Variants in ABCC8 observed in about 807,000 individuals in gnomAD.
The protein encoded by ABCC8 is ATP binding cassette subfamily C member 8.
A neutral mutation model predicts 188.0 loss-of-function variants in ABCC8; 137 were observed. The ratio of observed to expected loss-of-function variants is 0.73; its 90% CI spans 0.63 to 0.84. The LOEUF is 0.84. Among genes scored for constraint, ABCC8 ranks in the 40% least tolerant of loss-of-function variants. ABCC8 has a pLI of 0.00. For synonymous variants in ABCC8, 797 were observed against 846.5 expected (o/e 0.94, Z 1.01); for missense variants, 1,750 against 2,072.7 (o/e 0.84, Z 3.02).
intron 7 of ABCC8, among the ~76,000 whole-genome samples, chr11:17,451,955 C>T (rs945670048): frequency 2.0e-5 from 3 of 152,216 alleles, no homozygotes; most frequent in Non-Finnish European, 4.4e-5. Flanking sequence ...TTTCAATACC[C>T]ACCATGGCTA....
intron 8 of ABCC8, among the ~76,000 whole-genome samples, chr11:17,446,220 C>A (rs544627615): frequency 4.2e-4 from 64 of 152,248 alleles, no homozygotes; most frequent in African/African-American, 1.5e-3. Context: ...TCAGCCTCAG[C>A]CTCCCAAAGT....
At chr11:17,460,845 T>G (rs1957164378) in intron 5 of ABCC8, 169 bp from the exon 6 acceptor site, 3 of 1,396,236 alleles carry the variant, frequency 2.1e-6, no homozygotes, top group African/African-American at 1.4e-5. Flanking sequence ...AGTGCACAGT[T>G]GGGAGGGCCC....
At chr11:17,441,055 C>A (rs897327263) in intron 10 of ABCC8, among the ~76,000 whole-genome samples, 16 of 152,214 alleles carry the variant, frequency 1.1e-4, no homozygotes, top group African/African-American at 3.6e-4. Context: ...TTCCCTCCCC[C>A]ACCAGGTGTG....
intron 11 of ABCC8, 60 bp downstream of exon 11, chr11:17,432,144 C>T: frequency 1.3e-6 from 2 of 1,548,522 alleles, no homozygotes; most frequent in Non-Finnish European, 1.7e-6. Context: ...GGCAGCCTGT[C>T]ACTGCAGACG....
In ABCC8 at chr11:17,395,887, GAGA is replaced by G. The variant is rs151344624; in HGVS notation, c.4160_4162del (p.Phe1387del). Reference sequence around the variant, plus strand: ...GTCCACCATGCGGAAGAAGGCAAGAGAGAAGGAGGACTTCCCACTGCCGGTGCG... The same window carrying G: ...GTCCACCATGCGGAAGAAGGCAAGAGAGGAGGACTTCCCACTGCCGGTGCG... On this transcript the variant is annotated inframe_deletion, in exon 34 of 39. Coordinates refer to ENST00000389817, the MANE Select transcript of ABCC8 (RefSeq NM_000352.6). The G allele has an allele frequency of 1.1e-5, 17 of 1,592,160 alleles. No individual in the cohort carries two copies. Among genetic ancestry groups the G allele is most frequent in the African/African-American group, 1.3e-5 (1 of 74,760 alleles).
Position 17,402,678 on chromosome 11 carries a change from G to T in ABCC8, c.3633C>A (p.Thr1211=), listed in dbSNP as rs1375859436. ...ACTCGTACCTGAAGGCCCGGATGGT[G>T]GTGAGTCCTTCTACGGTTTCGGCAA... ...SHFAETVEGL[T]TIRAFRYEAR... Residue 1211 remains threonine (T), a synonymous_variant, in exon 29 of 39, where the codon ACC becomes ACA. Transcript: ENST00000389817. 6.2e-7 allele frequency: 1 copy of T among 1,614,122 alleles called. No individual in the cohort carries two copies. The highest frequency in any genetic ancestry group is 1.3e-5 in the African/African-American group (1 of 74,938).
chr11:17,417,536 C>T (rs1955141601), intron 16 of ABCC8, among the ~76,000 whole-genome samples: 1 of 152,098 alleles, frequency 6.6e-6, no homozygotes, highest in Admixed American at 6.5e-5. Flanking sequence ...AGTGAGGTGA[C>T]TTGAATTGTG....
chr11:17,414,767 TC>T, intron 18 of ABCC8, 157 bp from the exon 19 acceptor site: 1 of 915,774 alleles, frequency 1.1e-6, no homozygotes. Context: ...GGCCTTGCCT[TC>T]CCCCAGGCAG....
chr11:17,416,988 C>T (rs1309026991), intron 16 of ABCC8, 26 bp from the exon 17 acceptor site: 1 of 1,613,980 alleles, frequency 6.2e-7, no homozygotes, highest in South Asian at 1.1e-5. Flanking sequence ...TGGGACAGAC[C>T]AACACCAGTT....
chr11:17,471,418 G>T (rs890908151), intron 2 of ABCC8, among the ~76,000 whole-genome samples: 1 of 152,244 alleles, frequency 6.6e-6, no homozygotes, highest in Non-Finnish European at 1.5e-5. Context: ...ACCTCAGTGG[G>T]TCTGGTGGGA....
rs752212211 is a variant in ABCC8, at chr11:17,476,639, G to A, written c.138C>T (p.Ile46=). 6.2e-7 allele frequency: 1 copy of A among 1,612,104 alleles called. No homozygotes were observed. Among genetic ancestry groups the A allele is most frequent in the Admixed American group, 1.7e-5 (1 of 59,920 alleles). ...HVFLLFITFP[I]LFIGWGSQSS... ...GCTGCGCGCACTCACCAATGAAGAG[G>A]ATGGGGAAGGTGATGAAGAGTAGGA... Residue 46 remains isoleucine (I), a synonymous_variant, in exon 1 of 39, where the codon ATC becomes ATT. Transcript: ENST00000389817.
At position 17,407,011 on chromosome 11, in the gene ABCC8, C is replaced by A. The variant is rs17846762; in HGVS notation, c.3039G>T (p.Ser1013=). 6 of 1,614,212 alleles carry A rather than the reference C, an allele frequency of 3.7e-6. No individual in the cohort carries two copies. In the South Asian group the frequency reaches 6.6e-5, roughly 18 times the overall value. The change falls in exon 25 of 39, where the codon TCG becomes TCT. Residue 1013 remains serine, a synonymous_variant. Coordinates refer to ENST00000389817, the MANE Select transcript of ABCC8 (RefSeq NM_000352.6). ...YLSSAGILLL[S]LLVFSQLLKH... Reference sequence around the variant, plus strand: ...TGAGCAGCTGTGAGAAGACCAGCAACGACAGGAGCAGGATGCCGGCGGAGG... The same window carrying A: ...TGAGCAGCTGTGAGAAGACCAGCAAAGACAGGAGCAGGATGCCGGCGGAGG...
intron 22 of ABCC8, 175 bp downstream of exon 22, chr11:17,410,341 G>T: frequency 4.2e-6 from 3 of 710,202 alleles, no homozygotes; most frequent in East Asian, 5.5e-5. Flanking sequence ...CAAACCCCTG[G>T]CCTGTACAGG....
At chr11:17,400,971 A>T (rs1244697607) in intron 29 of ABCC8, among the ~76,000 whole-genome samples, 3 of 152,246 alleles carry the variant, frequency 2.0e-5, no homozygotes, top group Non-Finnish European at 4.4e-5. Flanking sequence ...AAAGCCTTTC[A>T]TTCAAATTTA....
At chr11:17,397,841 C>A in intron 30 of ABCC8, 44 bp from the exon 31 acceptor site, 1 of 1,608,128 alleles carries the variant, frequency 6.2e-7, no homozygotes, top group Non-Finnish European at 8.5e-7. Flanking sequence ...GGGGTTAGAG[C>A]CACAGGCCCC....
At chr11:17,416,665 A>G (rs749347753) in intron 17 of ABCC8, among the ~76,000 whole-genome samples, 7 of 152,150 alleles carry the variant, frequency 4.6e-5, no homozygotes, top group Non-Finnish European at 1.0e-4. Flanking sequence ...TCCATTCACC[A>G]TGAAATTTCA....
rs372153432 is a variant in ABCC8 at position 17,397,243 on chromosome 11, C to T, written c.3938G>A (p.Arg1313His). ...CTCGGTTTTCAGGAGCCCATGGATGCGCTTCACAGCCCCCAGCTGGAGCTC... is the reference window on the plus strand; with the variant it reads ...CTCGGTTTTCAGGAGCCCATGGATGTGCTTCACAGCCCCCAGCTGGAGCTC... ...DMELQLGAVKRIHGLLKTEAE... is the reference protein window; with the variant it reads ...DMELQLGAVKHIHGLLKTEAE... Residue 1313 changes from arginine (R) to histidine (H), a missense_variant, in exon 32 of 39, where the codon CGC becomes CAC. Physicochemically the swap from Arg to His is conservative, Grantham distance 29. Coordinates refer to ENST00000389817, the MANE Select transcript of ABCC8 (RefSeq NM_000352.6). 3.1e-5 allele frequency: 50 copies of T among 1,613,526 alleles called. No homozygotes were observed. Among genetic ancestry groups the T allele is most frequent in the African/African-American group, 4.0e-5 (3 of 74,924 alleles).
chr11:17,468,849 A>G (rs1472709684), intron 3 of ABCC8, among the ~76,000 whole-genome samples: 2 of 152,160 alleles, frequency 1.3e-5, no homozygotes, highest in Admixed American at 1.3e-4. Flanking sequence ...AGCCTGCCCC[A>G]TGGCACATGC....
chr11:17,427,231 C>T lies in ABCC8; in HGVS notation c.2117-77G>A. ...ACCATTACCCAGAAAGACAGACAGACAGATGCACCCAACCCTGGGGCCCCT... is the reference window on the plus strand; with the variant it reads ...ACCATTACCCAGAAAGACAGACAGATAGATGCACCCAACCCTGGGGCCCCT... On this transcript the variant is annotated intron_variant, in intron 15 of 38. Transcript: ENST00000389817. This position sits in a 1 kb window ranked among gnomAD's most constrained non-coding sequence, Gnocchi z 5.0. 6.9e-7 allele frequency: 1 copy of T among 1,456,162 alleles called. No individual in the cohort carries two copies. Among genetic ancestry groups the T allele is most frequent in the South Asian group, 1.4e-5 (1 of 69,378 alleles). The allele number at this position is 1,456,162 out of a possible 1,614,324, so 90.2% of individuals were successfully genotyped here.
Sources: gnomAD v4.1 joint callset for allele counts (sites outside exome capture counted in the v4.1 genomes callset) on GRCh38, gnomAD v4.1.1 for gene constraint, Gnocchi (gnomAD v3.1) non-coding constraint, MANE v1.5 for transcripts, NCBI Gene and HGNC (gene_info 2026-07-23, HGNC 2026-07-21) for gene names.